LRMDA: variants seen among roughly 807,000 people sequenced by gnomAD.
The protein encoded by LRMDA is leucine rich melanocyte differentiation associated, also known as leucine-rich melanocyte differentiation-associated protein.
LRMDA carries 18 observed loss-of-function variants against 29.8 expected under a neutral mutation model. The ratio of observed to expected loss-of-function variants is 0.60; its 90% CI spans 0.42 to 0.90. The LOEUF (loss-of-function observed/expected upper bound fraction) is 0.90. Among genes scored for constraint, LRMDA ranks in the 40% least tolerant of loss-of-function variants. The pLI is 0.00. For missense variants in LRMDA, 273 were observed against 273.9 expected (o/e 1.00, Z 0.02); for synonymous variants, 125 against 109.4 (o/e 1.14, Z -0.89).
At chr10:76,013,631 A>G (rs1409875227) in intron 2 of LRMDA, among the ~76,000 whole-genome samples, 1 of 152,080 alleles carries the variant, frequency 6.6e-6, no homozygotes, top group East Asian at 1.9e-4. Context: ...GTTCATCACC[A>G]TGACAGTTCC....
Position 75,865,974 on chromosome 10 carries a change from G to A in LRMDA, c.132-170034G>A, listed in dbSNP as rs541964398. 6.0e-4 allele frequency among the ~76,000 whole-genome samples: 92 copies of A among 152,246 alleles called. No homozygotes were observed. In the South Asian group the frequency reaches 0.016, roughly 26 times the overall value. On this transcript the variant is annotated intron_variant, in intron 2 of 6. Coordinates refer to ENST00000611255, the MANE Select transcript of LRMDA (RefSeq NM_001305581.2). ...GGTGTTTTTGGACTTTTAAATTTAC[G>A]TCTAGTAGCTCTTTTTCATTTAGTA...
At chr10:76,502,176 G>T (rs1842916997) in intron 6 of LRMDA, among the ~76,000 whole-genome samples, 1 of 151,718 alleles carries the variant, frequency 6.6e-6, no homozygotes. Flanking sequence ...TTGTAGTTTT[G>T]CCACTTTATT....
rs1214774572 is a variant in LRMDA at position 75,631,517 on chromosome 10, T to TGG, written c.131+193029_131+193030dup. ...TATTATTGGTCCTTTCCATTTTTGA[T>TGG]GGGGGGGAAATACCCTCACGTCCTT... On this transcript the variant is annotated intron_variant, in intron 2 of 6. Transcript: ENST00000611255. Among the ~76,000 whole-genome samples, 8 of 152,010 alleles carry TGG rather than the reference T, an allele frequency of 5.3e-5. No individual in the cohort carries two copies. The East Asian group carries it at 9.7e-4, about 18-fold the overall frequency.
chr10:75,837,084 A>G (rs1379529891), intron 2 of LRMDA, among the ~76,000 whole-genome samples: 1 of 152,226 alleles, frequency 6.6e-6, no homozygotes, highest in Admixed American at 6.5e-5. Context: ...ATTGATATAG[A>G]TATAGATATT....
intron 2 of LRMDA, among the ~76,000 whole-genome samples, chr10:75,641,602 T>A (rs564438610): frequency 6.3e-4 from 96 of 152,038 alleles, no homozygotes; most frequent in African/African-American, 1.3e-3. Flanking sequence ...AGGCTATATT[T>A]AAAAAAAATT....
chr10:76,387,943 A>G (rs948368043), intron 6 of LRMDA, among the ~76,000 whole-genome samples: 13 of 152,190 alleles, frequency 8.5e-5, no homozygotes, highest in Non-Finnish European at 1.5e-4. Flanking sequence ...GACTGGGTCA[A>G]ACATCATTGT....
chr10:76,479,046 A>C (rs1337708915), intron 6 of LRMDA, among the ~76,000 whole-genome samples: 2 of 151,704 alleles, frequency 1.3e-5, no homozygotes, highest in African/African-American at 2.4e-5. Flanking sequence ...TTAAAGTATA[A>C]TAAAAATATA....
chr10:75,912,325 A>G (rs746702654), intron 2 of LRMDA, among the ~76,000 whole-genome samples: 28 of 152,304 alleles, frequency 1.8e-4, no homozygotes, highest in Non-Finnish European at 2.1e-4. Context: ...ATTGAAGTAA[A>G]TTTCTGATGA....
intron 2 of LRMDA, among the ~76,000 whole-genome samples, chr10:75,664,477 A>G (rs1841795876): frequency 6.6e-6 from 1 of 152,172 alleles, no homozygotes; most frequent in Admixed American, 6.5e-5. Flanking sequence ...GTTCTAAAAG[A>G]GCACACAGTG....
chr10:76,133,278 G>GTA (rs1459754766), intron 5 of LRMDA, among the ~76,000 whole-genome samples: 4 of 151,938 alleles, frequency 2.6e-5, no homozygotes, highest in African/African-American at 9.7e-5. Context: ...GTGTGTGTGT[G>GTA]TGTGTGTAAA....
rs201037683 is a variant in LRMDA at position 76,212,268 on chromosome 10, TA to T, written c.517-112121del. On this transcript the variant is annotated intron_variant, in intron 5 of 6. Coordinates refer to ENST00000611255, the MANE Select transcript of LRMDA (RefSeq NM_001305581.2). ...ACACACACACACACACACACACACA[TA>T]AAAAAAAAAAACTATAGAGAAATAT... Among the ~76,000 whole-genome samples, 458 of 108,154 alleles carry T rather than the reference TA, an allele frequency of 4.2e-3. 1 individual carries two copies. The highest frequency in any genetic ancestry group is 9.3e-3 in the Middle Eastern group (2 of 214). 71.0% of individuals were successfully genotyped at this position (108,154 alleles called of 152,430 possible). A position where few individuals can be genotyped will look rare whatever the true frequency, so the allele number is the denominator to read the frequency against.
intron 6 of LRMDA, among the ~76,000 whole-genome samples, chr10:76,520,897 A>AG (rs1843111463): frequency 6.6e-6 from 1 of 152,196 alleles, no homozygotes; most frequent in Non-Finnish European, 1.5e-5. Flanking sequence ...CACAGAGTTT[A>AG]AACATTTTAG....
At chr10:76,202,570 AC>A (rs1296251234) in intron 5 of LRMDA, among the ~76,000 whole-genome samples, 1 of 152,146 alleles carries the variant, frequency 6.6e-6, no homozygotes, top group Non-Finnish European at 1.5e-5. Context: ...GTGTGTGTTC[AC>A]CAAAATGAAG....
At chr10:76,098,307 T>C (rs1849345297) in intron 5 of LRMDA, among the ~76,000 whole-genome samples, 1 of 152,152 alleles carries the variant, frequency 6.6e-6, no homozygotes, top group African/African-American at 2.4e-5. Context: ...AGACATGTAG[T>C]TTTTTATCAC....
At chr10:76,462,648 G>A (rs1789608745) in intron 6 of LRMDA, among the ~76,000 whole-genome samples, 1 of 152,138 alleles carries the variant, frequency 6.6e-6, no homozygotes, top group Non-Finnish European at 1.5e-5. Context: ...TGTGCTGAGT[G>A]GTGTGTGGTC....
chr10:75,810,122 G>T (rs1186973489), intron 2 of LRMDA, among the ~76,000 whole-genome samples: 7 of 152,198 alleles, frequency 4.6e-5, no homozygotes, highest in African/African-American at 1.7e-4. Context: ...CAGGAAGGAG[G>T]TTGGCACATT....
intron 6 of LRMDA, among the ~76,000 whole-genome samples, chr10:76,547,479 C>T (rs1843435132): frequency 6.6e-6 from 1 of 152,056 alleles, no homozygotes; most frequent in Non-Finnish European, 1.5e-5. Flanking sequence ...ATGGCTCTCC[C>T]TGAATAGTTG....
At chr10:75,922,119 C>T (rs1156262903) in intron 2 of LRMDA, among the ~76,000 whole-genome samples, 1 of 152,226 alleles carries the variant, frequency 6.6e-6, no homozygotes, top group African/African-American at 2.4e-5. Context: ...GGCCAGACTT[C>T]CCAACAATGG....
At chr10:75,593,380 A>G (rs1840746459) in intron 2 of LRMDA, among the ~76,000 whole-genome samples, 1 of 152,244 alleles carries the variant, frequency 6.6e-6, no homozygotes, top group Non-Finnish European at 1.5e-5. Context: ...TAAACTCTGC[A>G]GTCATTGCAA....
Sources: allele counts gnomAD v4.1 joint callset (sites outside exome capture counted in the v4.1 genomes callset), GRCh38; gene constraint gnomAD v4.1.1; transcripts MANE v1.5; gene names NCBI Gene and HGNC (gene_info 2026-07-23, HGNC 2026-07-21).